Variants in NCKAP5 observed in about 807,000 individuals in gnomAD.
NCKAP5 encodes NCK associated protein 5.
A neutral mutation model predicts 167.0 loss-of-function variants in NCKAP5; 92 were observed. The observed-to-expected ratio is 0.55, with a 90% confidence interval of 0.47 to 0.66. The LOEUF (loss-of-function observed/expected upper bound fraction) is 0.66, where lower values mean the gene tolerates loss of function less well. NCKAP5 is among the 30% of genes least tolerant of loss of function. The pLI is 0.00. For missense variants in NCKAP5, 2,378 were observed against 2,315.0 expected (o/e 1.03, Z -0.56); for synonymous variants, 891 against 877.4 (o/e 1.02, Z -0.27).
intron 8 of NCKAP5, among the ~76,000 whole-genome samples, chr2:132,907,363 A>G (rs1395405095): frequency 6.6e-6 from 1 of 152,210 alleles, no homozygotes; most frequent in Non-Finnish European, 1.5e-5. Flanking sequence ...AGAGATTAAG[A>G]TCACGCGGGT....
chr2:132,773,574 A>T (rs1399869913), intron 16 of NCKAP5, among the ~76,000 whole-genome samples: 1 of 152,204 alleles, frequency 6.6e-6, no homozygotes, highest in Non-Finnish European at 1.5e-5. Context: ...CATATTGACA[A>T]ATACTTCTCA....
chr2:133,346,112 C>T (rs1683958352), intron 3 of NCKAP5, among the ~76,000 whole-genome samples: 2 of 152,138 alleles, frequency 1.3e-5, no homozygotes, highest in African/African-American at 4.8e-5. Context: ...CCACTCCACC[C>T]CACTCTAAGC....
the NCKAP5 span, among the ~76,000 whole-genome samples, chr2:133,611,013 G>T: frequency 2.0e-5 from 3 of 152,034 alleles, no homozygotes; most frequent in Admixed American, 2.0e-4. Context: ...CAGGGGTTTT[G>T]GGGGCTTTTG....
chr2:133,441,192 A>G (rs914570205), intron 3 of NCKAP5, among the ~76,000 whole-genome samples: 3 of 152,110 alleles, frequency 2.0e-5, no homozygotes, highest in African/African-American at 7.2e-5. Context: ...TGCTAATTGT[A>G]GTAACTGTGA....
At chr2:132,949,289 A>T (rs745686625) in intron 8 of NCKAP5, among the ~76,000 whole-genome samples, 48 of 152,110 alleles carry the variant, frequency 3.2e-4, no homozygotes, top group Admixed American at 5.2e-4. Flanking sequence ...CAGTCCCTTC[A>T]AGGTTGGCCA....
intron 3 of NCKAP5, among the ~76,000 whole-genome samples, chr2:133,496,414 T>A (rs1430000738): frequency 2.0e-5 from 3 of 152,216 alleles, no homozygotes; most frequent in Admixed American, 1.3e-4. Context: ...CTTGGCCATT[T>A]ATAGGACGAA....
intron 8 of NCKAP5, among the ~76,000 whole-genome samples, chr2:132,928,808 A>G (rs1039688788): frequency 8.5e-5 from 13 of 152,090 alleles, no homozygotes; most frequent in African/African-American, 3.1e-4. Context: ...TTCAATGTCT[A>G]AGATGAAGTT....
upstream of NCKAP5, among the ~76,000 whole-genome samples, chr2:133,571,065 AG>A (rs1264302228): frequency 6.6e-6 from 1 of 152,238 alleles, no homozygotes; most frequent in Non-Finnish European, 1.5e-5. Flanking sequence ...AAGATAGGAT[AG>A]ACTTTTCAAA....
intron 5 of NCKAP5, among the ~76,000 whole-genome samples, chr2:133,209,868 A>C (rs2086127765): frequency 6.6e-6 from 1 of 152,086 alleles, no homozygotes; most frequent in Non-Finnish European, 1.5e-5. Flanking sequence ...AAGCTTATTA[A>C]AAAATAAAAG....
chr2:133,019,405 T>A (rs935719213), intron 6 of NCKAP5, among the ~76,000 whole-genome samples: 2 of 152,024 alleles, frequency 1.3e-5, no homozygotes, highest in Non-Finnish European at 2.9e-5. Flanking sequence ...GAAGGAAAAG[T>A]GGGGAATGAT....
intron 3 of NCKAP5, among the ~76,000 whole-genome samples, chr2:133,379,270 T>G (rs1686357998): frequency 6.6e-6 from 1 of 152,220 alleles, no homozygotes. Flanking sequence ...AATCCCGACG[T>G]GCATACCTCG....
intron 3 of NCKAP5, among the ~76,000 whole-genome samples, chr2:133,420,556 A>C (rs1342706013): frequency 6.6e-6 from 1 of 152,230 alleles, no homozygotes; most frequent in East Asian, 1.9e-4. Context: ...AACTCTGAGA[A>C]TAGTACACTT....
the NCKAP5 span, among the ~76,000 whole-genome samples, chr2:133,609,479 C>T: frequency 6.6e-6 from 1 of 152,106 alleles, no homozygotes; most frequent in Non-Finnish European, 1.5e-5. Context: ...AGTTGCAAGC[C>T]ACCTTTATGA....
At chr2:132,811,860 C>G (rs145071005) in intron 11 of NCKAP5, among the ~76,000 whole-genome samples, 266 of 152,284 alleles carry the variant, frequency 1.7e-3, no homozygotes, top group African/African-American at 6.2e-3. Flanking sequence ...TTTTACCCCC[C>G]GCTCCTCTGG....
At chr2:133,272,791 A>G (rs1332289368) in intron 4 of NCKAP5, among the ~76,000 whole-genome samples, 2 of 152,182 alleles carry the variant, frequency 1.3e-5, no homozygotes, top group Non-Finnish European at 2.9e-5. Flanking sequence ...CACTTAGTAT[A>G]AATGGAATCA....
chr2:132,837,435 A>T (rs2105399903), intron 11 of NCKAP5, among the ~76,000 whole-genome samples: 1 of 152,002 alleles, frequency 6.6e-6, no homozygotes, highest in South Asian at 2.1e-4. Context: ...AACTTTTTTA[A>T]CTTACTGGGA....
At chr2:133,663,306 C>CTG in the NCKAP5 span, among the ~76,000 whole-genome samples, 1 of 150,686 alleles carries the variant, frequency 6.6e-6, no homozygotes, top group East Asian at 1.9e-4. Flanking sequence ...CGGTTATGAG[C>CTG]TGTCAGCACG....
intron 6 of NCKAP5, among the ~76,000 whole-genome samples, chr2:133,098,123 T>C (rs1457419432): frequency 1.3e-5 from 2 of 152,218 alleles, no homozygotes; most frequent in East Asian, 3.8e-4. Flanking sequence ...ATGAGAGCTA[T>C]TCCAAAGATG....
the NCKAP5 span, among the ~76,000 whole-genome samples, chr2:133,647,587 TAGAGAGGGAG>T: frequency 3.9e-5 from 4 of 103,454 alleles, no homozygotes; most frequent in Non-Finnish European, 7.6e-5. Flanking sequence ...GAGACAGATA[TAGAGAGGGAG>T]AGAGAGAGAG....
Sources: gnomAD v4.1 joint callset for allele counts (sites outside exome capture counted in the v4.1 genomes callset) on GRCh38, gnomAD v4.1.1 for gene constraint, MANE v1.5 for transcripts, NCBI Gene and HGNC (gene_info 2026-07-23, HGNC 2026-07-21) for gene names.